Variants in CDH13 observed in about 807,000 individuals in gnomAD.
CDH13 encodes cadherin-13.
In CDH13, 24 loss-of-function variants were observed where a neutral mutation model predicts 63.8. That is an observed-to-expected ratio of 0.38 (90% CI 0.27 to 0.53). The LOEUF (loss-of-function observed/expected upper bound fraction) is 0.53, where lower values mean the gene tolerates loss of function less well. Among genes scored for constraint, CDH13 ranks in the 20% least tolerant of loss-of-function variants. CDH13 has a pLI of 0.85. For synonymous variants in CDH13, 503 were observed against 355.3 expected (o/e 1.42, Z -4.67); for missense variants, 1,049 against 903.1 (o/e 1.16, Z -2.07).
At chr16:83,033,882 C>T (rs759038027) in intron 3 of CDH13, among the ~76,000 whole-genome samples, 8 of 152,112 alleles carry the variant, frequency 5.3e-5, no homozygotes, top group African/African-American at 1.2e-4. Context: ...CTCCTACCTG[C>T]GAGCTTGGTC....
intron 1 of CDH13, among the ~76,000 whole-genome samples, chr16:82,761,588 G>A (rs1214749426): frequency 1.3e-5 from 2 of 152,140 alleles, no homozygotes; most frequent in Non-Finnish European, 2.9e-5. Flanking sequence ...CAAGGCCAAG[G>A]GAAGGCAACA....
intron 7 of CDH13, among the ~76,000 whole-genome samples, chr16:83,579,642 C>A (rs989715261): frequency 3.3e-5 from 5 of 152,072 alleles, no homozygotes; most frequent in African/African-American, 1.2e-4. Context: ...TGGGCGGTGA[C>A]CCAAATCCAA....
intron 4 of CDH13, among the ~76,000 whole-genome samples, chr16:83,134,131 G>A (rs1282594680): frequency 3.9e-5 from 6 of 152,130 alleles, no homozygotes; most frequent in African/African-American, 1.4e-4. Context: ...TTGGTAATGA[G>A]GCCACCAGAT....
intron 7 of CDH13, among the ~76,000 whole-genome samples, chr16:83,586,717 ATGCTGAAGAAAGG>A (rs1159891347): frequency 6.6e-6 from 1 of 152,180 alleles, no homozygotes; most frequent in East Asian, 1.9e-4. Flanking sequence ...TGTGCAAATA[ATGCTGAAGAAAGG>A]TGGTCAGAGA....
chr16:82,679,920 T>C (rs1011227883), intron 1 of CDH13, among the ~76,000 whole-genome samples: 8 of 152,088 alleles, frequency 5.3e-5, no homozygotes, highest in African/African-American at 1.9e-4. Context: ...ACATCACGAG[T>C]ATGAGCCCAC....
At chr16:83,194,117 C>G (rs759082987) in intron 4 of CDH13, among the ~76,000 whole-genome samples, 1 of 152,202 alleles carries the variant, frequency 6.6e-6, no homozygotes, top group South Asian at 2.1e-4. Flanking sequence ...CCAACCTTTG[C>G]GAATATGAAG....
chr16:83,619,610 G>C (rs1415794336), intron 8 of CDH13, among the ~76,000 whole-genome samples: 1 of 152,166 alleles, frequency 6.6e-6, no homozygotes, highest in Admixed American at 6.5e-5. Flanking sequence ...TGTGCTCCTG[G>C]GCTTGTGCAT....
chr16:83,605,181 A>T (rs1032477278), intron 8 of CDH13, among the ~76,000 whole-genome samples: 58 of 152,246 alleles, frequency 3.8e-4, no homozygotes, highest in African/African-American at 1.4e-3. Context: ...TGAGTTTGAG[A>T]TTCCCAAAAG....
intron 8 of CDH13, among the ~76,000 whole-genome samples, chr16:83,622,400 C>T (rs995302680): frequency 6.6e-6 from 1 of 152,174 alleles, no homozygotes; most frequent in Non-Finnish European, 1.5e-5. Context: ...CCCCAAAAGA[C>T]CAGCCTTCAT....
At chr16:82,903,789 A>C (rs1323543378) in intron 2 of CDH13, among the ~76,000 whole-genome samples, 1 of 152,138 alleles carries the variant, frequency 6.6e-6, no homozygotes, top group Non-Finnish European at 1.5e-5. Flanking sequence ...GAGCACCTTC[A>C]TAGGGAAGGT....
chr16:83,197,816 AT>A (rs2038918856), intron 4 of CDH13, among the ~76,000 whole-genome samples: 1 of 60,364 alleles, frequency 1.7e-5, no homozygotes, highest in Non-Finnish European at 3.3e-5. Flanking sequence ...ACTCTGACAC[AT>A]TCACACACAC....
At chr16:83,660,369 A>G (rs916459713) in intron 8 of CDH13, among the ~76,000 whole-genome samples, 2 of 152,208 alleles carry the variant, frequency 1.3e-5, no homozygotes, top group Non-Finnish European at 2.9e-5. Flanking sequence ...CATGAGGAAT[A>G]CACAACCTAG....
intron 1 of CDH13, among the ~76,000 whole-genome samples, chr16:82,715,653 C>T (rs1476175554): frequency 6.6e-6 from 1 of 152,086 alleles, no homozygotes; most frequent in Non-Finnish European, 1.5e-5. Context: ...ACCGTCTGTG[C>T]CCTGTCAAGT....
intron 7 of CDH13, among the ~76,000 whole-genome samples, chr16:83,591,938 T>C (rs1906797095): frequency 6.6e-6 from 1 of 152,200 alleles, no homozygotes; most frequent in Non-Finnish European, 1.5e-5. Flanking sequence ...TTCCATATAA[T>C]TTGACTTTCA....
chr16:83,552,100 A>G (rs2075513573), intron 7 of CDH13, among the ~76,000 whole-genome samples: 1 of 152,234 alleles, frequency 6.6e-6, no homozygotes. Flanking sequence ...CCACCTTGGG[A>G]TAAATGATAT....
intron 5 of CDH13, among the ~76,000 whole-genome samples, chr16:83,275,277 T>G (rs938636980): frequency 6.6e-6 from 1 of 152,084 alleles, no homozygotes; most frequent in Non-Finnish European, 1.5e-5. Flanking sequence ...TATTTTTCTT[T>G]TTTCCTTTTG....
Position 83,118,034 on chromosome 16 carries a change from A to G in CDH13, c.367-7351A>G, listed in dbSNP as rs74030718. ...CAGTCCTCCTCTAATAGAATCCAGCATGCGTGAGGCTCCCTGAAGACACAA... is the reference window on the plus strand; with the variant it reads ...CAGTCCTCCTCTAATAGAATCCAGCGTGCGTGAGGCTCCCTGAAGACACAA... On this transcript the variant is annotated intron_variant, in intron 3 of 13. Coordinates refer to ENST00000567109, the MANE Select transcript of CDH13 (RefSeq NM_001257.5). Among the ~76,000 whole-genome samples the G allele has an allele frequency of 8.2e-3, 1,253 of 152,290 alleles. 17 individuals are homozygous for G. The highest frequency in any genetic ancestry group is 0.027 in the African/African-American group (1,118 of 41,556).
intron 2 of CDH13, among the ~76,000 whole-genome samples, chr16:82,917,742 G>A (rs1205076046): frequency 6.6e-6 from 1 of 151,688 alleles, no homozygotes; most frequent in Admixed American, 6.6e-5. Flanking sequence ...TGAAACCTCG[G>A]CTCTACTAAA....
intron 10 of CDH13, among the ~76,000 whole-genome samples, chr16:83,716,386 G>C (rs1908902794): frequency 6.6e-6 from 1 of 152,174 alleles, no homozygotes; most frequent in Non-Finnish European, 1.5e-5. Context: ...ATGCAGAGTA[G>C]TTTCAGAACT....
Sources: gnomAD v4.1 joint callset for allele counts (sites outside exome capture counted in the v4.1 genomes callset) on GRCh38, gnomAD v4.1.1 for gene constraint, MANE v1.5 for transcripts, NCBI Gene and HGNC (gene_info 2026-07-23, HGNC 2026-07-21) for gene names.